The following PHEX variants were observed in gnomAD, a reference collection of about 807,000 sequenced individuals.
PHEX encodes phosphate-regulating neutral endopeptidase PHEX.
In PHEX, 16 loss-of-function variants were observed where a neutral mutation model predicts 68.0. The observed-to-expected ratio is 0.24, with a 90% CI of 0.16 to 0.36. The LOEUF is 0.36. PHEX is among the 10% of genes least tolerant of loss of function. PHEX has a pLI of 1.00. For missense variants in PHEX, 480 were observed against 575.5 expected, an observed-to-expected ratio of 0.83 and a Z score of 1.70; for synonymous variants, 208 against 205.1, an observed-to-expected ratio of 1.01 and a Z score of -0.12.
rs750920468 is a variant in PHEX at position 22,250,533 on chromosome X, G to A, written c.*2580G>A. The stretch of plus-strand genomic sequence containing the variant: ...TTCGCACACCAGATGTTCTGCCAGC[G>A]AACTGTTGTCTGGGCATTGGAAGGA... On this transcript the variant is annotated 3_prime_UTR_variant, in exon 22 of 22. Coordinates refer to ENST00000379374, the MANE Select transcript of PHEX (RefSeq NM_000444.6). The A allele has an allele frequency of 2.1e-4, 23 of 112,105 alleles. No homozygotes were observed. Among genetic ancestry groups the A allele is most frequent in the African/African-American group, 6.8e-4 (21 of 30,884 alleles). The allele number at this position is 112,105 out of a possible 1,213,427, so 9.2% of individuals were successfully genotyped here. A position where few individuals can be genotyped will look rare whatever the true frequency, so the allele number is the denominator to read the frequency against.
intron 3 of PHEX, among the ~76,000 whole-genome samples, chrX:22,047,912 A>G (rs946379744): frequency 9.0e-6 from 1 of 110,602 alleles, no homozygotes; most frequent in African/African-American, 3.3e-5. Context: ...GAAGATTTCA[A>G]AGCCAGATAA....
chrX:22,065,167 T>A (rs894477591), intron 3 of PHEX, among the ~76,000 whole-genome samples: 5 of 112,548 alleles, frequency 4.4e-5, no homozygotes, highest in African/African-American at 1.6e-4. Context: ...GTACTTTTTT[T>A]AAAACATTCA....
intron 20 of PHEX, among the ~76,000 whole-genome samples, chrX:22,233,570 C>A (rs180939070): frequency 5.3e-4 from 59 of 111,149 alleles, no homozygotes; most frequent in African/African-American, 1.8e-3. Context: ...GATCTTCAAT[C>A]TCTGATATCC....
At chrX:22,095,072 C>T (rs1930074026) in intron 7 of PHEX, among the ~76,000 whole-genome samples, 1 of 110,993 alleles carries the variant, frequency 9.0e-6, no homozygotes, top group African/African-American at 3.3e-5. Context: ...TTTTGTTTGG[C>T]GAGGTGGTGG....
chrX:22,236,479 CAGTTCAACTAAG>C (rs746512067), intron 20 of PHEX, among the ~76,000 whole-genome samples: 2 of 112,955 alleles, frequency 1.8e-5, no homozygotes, highest in South Asian at 7.2e-4. Context: ...CTAAAACTAA[CAGTTCAACTAAG>C]GAGACTCCCT....
At chrX:22,111,850 A>G (rs1373176347) in intron 10 of PHEX, among the ~76,000 whole-genome samples, 1 of 112,345 alleles carries the variant, frequency 8.9e-6, no homozygotes, top group African/African-American at 3.2e-5. Context: ...TTATTAGTGT[A>G]TTCCCATTTT....
At chrX:22,169,176 C>T (rs151215453) in intron 13 of PHEX, among the ~76,000 whole-genome samples, 1,391 of 111,908 alleles carry the variant, frequency 0.012, 14 homozygotes, top group African/African-American at 0.043. Context: ...TATCTGAAAA[C>T]GATCCCAGCT....
At chrX:22,115,666 C>G (rs1477515469) in intron 11 of PHEX, among the ~76,000 whole-genome samples, 1 of 112,039 alleles carries the variant, frequency 8.9e-6, no homozygotes, top group Non-Finnish European at 1.9e-5. Context: ...TATAAAGATT[C>G]TACATATAAG....
chrX:22,101,167 C>A (rs1264125518), intron 9 of PHEX, among the ~76,000 whole-genome samples: 1 of 111,798 alleles, frequency 8.9e-6, no homozygotes, highest in Admixed American at 9.5e-5. Flanking sequence ...CATAGCGAGA[C>A]TCTGTCTTAA....
intron 12 of PHEX, among the ~76,000 whole-genome samples, chrX:22,157,571 C>G (rs1431350366): frequency 1.8e-5 from 2 of 112,438 alleles, no homozygotes; most frequent in African/African-American, 6.5e-5. Context: ...CACAAAGACA[C>G]CAGGGAAATG....
chrX:22,242,689 G>C (rs1936261361), intron 20 of PHEX, among the ~76,000 whole-genome samples: 2 of 111,525 alleles, frequency 1.8e-5, no homozygotes, highest in South Asian at 3.8e-4. Flanking sequence ...TTGCCACTAA[G>C]AGAATAAAAT....
At chrX:22,090,603 A>G in intron 6 of PHEX, 106 bp downstream of exon 6, 2 of 560,386 alleles carry the variant, frequency 3.6e-6, no homozygotes, top group Non-Finnish European at 6.3e-6. Context: ...TGGCTATTCA[A>G]TGACCATATT....
At chrX:22,117,026 C>T (rs911005008) in intron 11 of PHEX, among the ~76,000 whole-genome samples, 1 of 111,992 alleles carries the variant, frequency 8.9e-6, no homozygotes, top group Non-Finnish European at 1.9e-5. Context: ...TACCTCAGTA[C>T]CTAGACCCAT....
rs1555900710 is a variant in PHEX at position 22,249,455 on chromosome X, A to ATATATATATATATATATATAT, written c.*1502_*1503insTATATATATATATATATATAT. ...TTGTGATTCTTTTAAAAAAAAAAAA[A>ATATATATATATATATATATAT]ATATATATATATATATATATATATA... On this transcript the variant is annotated 3_prime_UTR_variant, in exon 22 of 22. Transcript: ENST00000379374. 7.5e-5 allele frequency: 3 copies of ATATATATATATATATATATAT among 39,752 alleles called. No homozygotes were observed. Among genetic ancestry groups the ATATATATATATATATATATAT allele is most frequent in the African/African-American group, 3.3e-4 (2 of 6,011 alleles). The allele number at this position is 39,752 out of a possible 1,213,427, so 3.3% of individuals were successfully genotyped here.
chrX:22,140,040 T>A (rs5904507), intron 12 of PHEX, among the ~76,000 whole-genome samples: 55,751 of 109,783 alleles, frequency 0.51, 11,818 homozygotes, highest in African/African-American at 0.82. Context: ...GATTCAGTAG[T>A]GCTAAGGTGG....
intron 8 of PHEX, among the ~76,000 whole-genome samples, chrX:22,097,351 A>T (rs1194324323): frequency 8.9e-6 from 1 of 112,190 alleles, no homozygotes; most frequent in Non-Finnish European, 1.9e-5. Flanking sequence ...AGTTCTTTCT[A>T]TCTTTCCATC....
chrX:22,110,211 A>G (rs1930896274), intron 9 of PHEX, among the ~76,000 whole-genome samples: 1 of 112,154 alleles, frequency 8.9e-6, no homozygotes, highest in Non-Finnish European at 1.9e-5. Context: ...AGATAATGAA[A>G]TCAATTTTAC....
In PHEX at chrX:22,057,380, G is replaced by A. The variant is rs777261709; in HGVS notation, c.349+10169G>A. Among the ~76,000 whole-genome samples, 24 of 111,419 alleles carry A rather than the reference G, an allele frequency of 2.2e-4. 2 individuals carry two copies. Among genetic ancestry groups the A allele is most frequent in the Admixed American group, 1.7e-3 (18 of 10,506 alleles). On this transcript the variant is annotated intron_variant, in intron 3 of 21. Transcript: ENST00000379374. The stretch of plus-strand genomic sequence containing the variant: ...GCACTTTGAGAGGTCAAGGTGGGCA[G>A]ATCACTTGAAGCCAGGAGTTTGAGA...
intron 7 of PHEX, 119 bp from the exon 8 acceptor site, chrX:22,096,834 CCA>C: frequency 1.8e-6 from 1 of 560,695 alleles, no homozygotes; most frequent in Non-Finnish European, 3.1e-6. Context: ...GAGTTGGGGA[CCA>C]CACCAAAGCC....
Sources: allele counts gnomAD v4.1 joint callset (sites outside exome capture counted in the v4.1 genomes callset), GRCh38; gene constraint gnomAD v4.1.1; transcripts MANE v1.5; gene names NCBI Gene and HGNC (gene_info 2026-07-23, HGNC 2026-07-21).